CABIN1: variants seen among roughly 807,000 people sequenced by gnomAD.
CABIN1 encodes the protein calcineurin binding protein 1.
In CABIN1, 133 loss-of-function variants were observed where a neutral mutation model predicts 227.7. The ratio of observed to expected loss-of-function variants is 0.58; its 90% confidence interval spans 0.51 to 0.67. The LOEUF is 0.67. Among genes scored for constraint, CABIN1 ranks in the 30% least tolerant of loss-of-function variants. The probability of loss-of-function intolerance (pLI) is 0.00; values close to 1 mark genes in which losing one functional copy is unlikely to be tolerated. For missense variants in CABIN1, 2,408 were observed against 2,852.5 expected, an observed-to-expected ratio of 0.84 and a Z score of 3.55; for synonymous variants, 1,086 against 1,155.1, an observed-to-expected ratio of 0.94 and a Z score of 1.21.
intron 29 of CABIN1, among the ~76,000 whole-genome samples, chr22:24,159,990 G>C (rs951042216): frequency 6.6e-6 from 1 of 152,144 alleles, no homozygotes; most frequent in Non-Finnish European, 1.5e-5. Context: ...TGTAAAACAG[G>C]GAGGCTGCCA....
intron 3 of CABIN1, among the ~76,000 whole-genome samples, chr22:24,037,377 A>C (rs2036993987): frequency 6.6e-6 from 1 of 151,890 alleles, no homozygotes; most frequent in Non-Finnish European, 1.5e-5. Context: ...GTCACAGCTC[A>C]TTGTAACCTC....
chr22:24,085,282 G>C, intron 22 of CABIN1, 131 bp downstream of exon 22: 1 of 999,702 alleles, frequency 1.0e-6, no homozygotes, highest in Non-Finnish European at 1.5e-6. Context: ...AACGGAATGA[G>C]AGGGTGGTTT....
At chr22:24,138,000 A>G (rs115192040) in intron 29 of CABIN1, among the ~76,000 whole-genome samples, 38 of 152,266 alleles carry the variant, frequency 2.5e-4, no homozygotes, top group African/African-American at 8.9e-4. Flanking sequence ...AGATAAAGGG[A>G]GGTTGAGACT....
In CABIN1 at chr22:24,119,693, C is replaced by T; in HGVS notation, c.4627C>T (p.His1543Tyr). The T allele has an allele frequency of 6.2e-7, 1 of 1,613,866 alleles. No individual in the cohort carries two copies. Among genetic ancestry groups the T allele is most frequent in the Non-Finnish European group, 8.5e-7 (1 of 1,179,940 alleles). ...CTTCCTCTACACCTACAGCAAGACC[C>T]ACCGGGTGAGTGGCTGCCGGGCCAA... ...LAFLYTYSKT[H>Y]RNLQWARDVL... is the part of the protein sequence containing the mutation. Residue 1543 changes from histidine (H) to tyrosine (Y), a missense_variant, in exon 28 of 37, where the codon CAC becomes TAC. Coordinates refer to ENST00000263119, the MANE Select transcript of CABIN1 (RefSeq NM_012295.4).
chr22:24,127,067 C>T (rs1376337411), intron 28 of CABIN1, among the ~76,000 whole-genome samples: 3 of 151,952 alleles, frequency 2.0e-5, no homozygotes, highest in Non-Finnish European at 2.9e-5. Flanking sequence ...AAGACAGGCT[C>T]CATGTGGCCT....
chr22:24,037,259 C>CA (rs71184942), intron 3 of CABIN1, among the ~76,000 whole-genome samples: 3,243 of 52,086 alleles, frequency 0.062, 121 homozygotes, highest in African/African-American at 0.16. Flanking sequence ...GACCCCGTCT[C>CA]AAAAAAAAAA....
At chr22:24,040,844 C>T (rs545934509) in intron 4 of CABIN1, among the ~76,000 whole-genome samples, 23 of 152,328 alleles carry the variant, frequency 1.5e-4, no homozygotes, top group Non-Finnish European at 2.5e-4. Context: ...AAATGTTATT[C>T]GCTAGGCTTG....
intron 19 of CABIN1, among the ~76,000 whole-genome samples, chr22:24,082,855 T>C (rs1332720101): frequency 6.6e-6 from 1 of 152,232 alleles, no homozygotes; most frequent in Non-Finnish European, 1.5e-5. Context: ...TATACCTATT[T>C]TAAGAAAGTA....
At chr22:24,146,292 C>G (rs1423249940) in intron 29 of CABIN1, among the ~76,000 whole-genome samples, 4 of 152,182 alleles carry the variant, frequency 2.6e-5, no homozygotes, top group African/African-American at 9.7e-5. Flanking sequence ...AAAAAAGGTC[C>G]TGTTTTTAAG....
At chr22:24,011,453 C>G (rs2034803310) in intron 1 of CABIN1, 86 bp downstream of exon 1, 1 of 152,426 alleles carries the variant, frequency 6.6e-6, no homozygotes, top group Admixed American at 6.5e-5. Flanking sequence ...GGAGGGGCTG[C>G]AGGCGCGAGG....
At chr22:24,095,110 C>T (rs1471183279) in intron 24 of CABIN1, among the ~76,000 whole-genome samples, 5 of 152,200 alleles carry the variant, frequency 3.3e-5, no homozygotes, top group African/African-American at 1.2e-4. Context: ...TGTGAGACCC[C>T]TCTGTCTGGG....
rs2046834037 is a variant in CABIN1 at position 24,171,888 on chromosome 22, C to T, written c.5933C>T (p.Thr1978Ile). The T allele has an allele frequency of 2.5e-6, 4 of 1,614,142 alleles. No homozygotes were observed. In the East Asian group the frequency reaches 8.9e-5, roughly 36 times the overall value. ...PALAAATTII[T>I]CPPSASASTL... is the part of the protein sequence containing the mutation. ...CTAGCTGCCGCCACAACTATTATCA[C>T]CTGCCCTCCGTCAGCATCAGCTTCC... Residue 1978 changes from threonine to isoleucine, a missense_variant, in exon 34 of 37, where the codon ACC (threonine) becomes ATC (isoleucine). Coordinates refer to ENST00000263119, the MANE Select transcript of CABIN1 (RefSeq NM_012295.4).
chr22:24,032,161 T>A (rs1178042873), intron 1 of CABIN1, among the ~76,000 whole-genome samples: 1 of 152,188 alleles, frequency 6.6e-6, no homozygotes, highest in East Asian at 1.9e-4. Flanking sequence ...GCCCTCTCCC[T>A]CTCTGGCAAC....
chr22:24,118,246 C>T (rs759568787), intron 27 of CABIN1, among the ~76,000 whole-genome samples: 10 of 151,924 alleles, frequency 6.6e-5, no homozygotes, highest in African/African-American at 9.7e-5. Flanking sequence ...GGGTGGGCTG[C>T]AGGGGAGCAG....
At chr22:24,096,818 G>GA (rs1399627113) in intron 25 of CABIN1, among the ~76,000 whole-genome samples, 1 of 152,250 alleles carries the variant, frequency 6.6e-6, no homozygotes, top group Non-Finnish European at 1.5e-5. Flanking sequence ...GGGAGCCAGG[G>GA]GAGGGCTCAG....
intron 1 of CABIN1, among the ~76,000 whole-genome samples, chr22:24,032,192 G>T (rs2036548040): frequency 6.6e-6 from 1 of 152,146 alleles, no homozygotes; most frequent in African/African-American, 2.4e-5. Context: ...CTTTCTGTCT[G>T]TATGAATTTT....
chr22:24,042,710 G>A (rs2037472073), intron 5 of CABIN1, among the ~76,000 whole-genome samples, 194 bp from the exon 6 acceptor site: 1 of 152,130 alleles, frequency 6.6e-6, no homozygotes. Flanking sequence ...TTACTTGTCA[G>A]TTATAAGATA....
intron 29 of CABIN1, among the ~76,000 whole-genome samples, chr22:24,139,704 C>T (rs997148801): frequency 3.9e-5 from 6 of 152,130 alleles, no homozygotes; most frequent in Non-Finnish European, 7.3e-5. Context: ...CTTGGGTGGA[C>T]ACATGTATGG....
In CABIN1 at chr22:24,013,460, G is replaced by T. The variant is rs9612540; in HGVS notation, c.-75+2093G>T. On this transcript the variant is annotated intron_variant, in intron 1 of 36. Transcript: ENST00000263119. ...GATCCGCCCGCCTCGGCCTCCAAAA[G>T]TGCTGGGATTATAGGCGTGAGCCAC... is the stretch of plus-strand genomic sequence containing the variant. 8.5e-3 allele frequency among the ~76,000 whole-genome samples: 1,298 copies of T among 152,226 alleles called. 11 individuals are homozygous for T. Among genetic ancestry groups the T allele is most frequent in the Non-Finnish European group, 0.013 (912 of 68,016 alleles).
Sources: allele counts gnomAD v4.1 joint callset (sites outside exome capture counted in the v4.1 genomes callset), GRCh38; gene constraint gnomAD v4.1.1; transcripts MANE v1.5; gene names NCBI Gene and HGNC (gene_info 2026-07-23, HGNC 2026-07-21).